Variants in GPC5 observed in about 807,000 individuals in gnomAD.
GPC5 encodes glypican 5.
Under a neutral mutation model 53.9 loss-of-function variants are expected in GPC5, and 47 were observed. That is an observed-to-expected ratio of 0.87 (90% CI 0.69 to 1.11). The LOEUF is 1.11. Among genes scored for constraint, GPC5 ranks in the 50% most tolerant of loss-of-function variants. The pLI, the probability that GPC5 is intolerant of heterozygous loss-of-function variation, is 0.00. For missense variants in GPC5, 748 were observed against 713.1 expected, an observed-to-expected ratio of 1.05 and a Z score of -0.56; for synonymous variants, 286 against 263.3, an observed-to-expected ratio of 1.09 and a Z score of -0.84.
chr13:92,368,318 G>T (rs1373017859), intron 7 of GPC5, among the ~76,000 whole-genome samples: 1 of 151,274 alleles, frequency 6.6e-6, no homozygotes, highest in Non-Finnish European at 1.5e-5. Context: ...TAAACTGGAG[G>T]CTATACTCCT....
intron 7 of GPC5, among the ~76,000 whole-genome samples, chr13:92,408,708 T>C (rs753999430): frequency 3.3e-5 from 5 of 152,072 alleles, no homozygotes; most frequent in Non-Finnish European, 7.4e-5. Flanking sequence ...TTTTTCTATA[T>C]GTTCAGTGTG....
At chr13:91,478,300 T>C (rs1252237062) in intron 2 of GPC5, among the ~76,000 whole-genome samples, 1 of 152,168 alleles carries the variant, frequency 6.6e-6, no homozygotes, top group African/African-American at 2.4e-5. Context: ...CATTCATAAA[T>C]TTATTTCATA....
At chr13:92,656,074 AAG>A (rs1226804795) in intron 7 of GPC5, among the ~76,000 whole-genome samples, 2 of 152,212 alleles carry the variant, frequency 1.3e-5, no homozygotes, top group South Asian at 2.1e-4. Context: ...CAGAAAAAAA[AAG>A]AGTTATATCA....
In GPC5 at chr13:92,527,249, GAGAAAGAAA is replaced by G. The variant is rs1881387277; in HGVS notation, c.1562-339032_1562-339024del. Among the ~76,000 whole-genome samples the G allele has an allele frequency of 1.2e-4, 4 of 32,718 alleles. No individual in the cohort carries two copies. In the South Asian group the frequency reaches 5.2e-3, roughly 42 times the overall value. The allele number at this position is 32,718 out of a possible 152,430, so 21.5% of individuals were successfully genotyped here. A position where few individuals can be genotyped will look rare whatever the true frequency, so the allele number is the denominator to read the frequency against. On this transcript the variant is annotated intron_variant, in intron 7 of 7. Transcript: ENST00000377067. ...AGAAAGAAAGAAAGAAAGAAAGAAAGAGAAAGAAAGAAAGAAAGAAAGAAAGAAAGAAAA... is the reference window on the plus strand; with the variant it reads ...AGAAAGAAAGAAAGAAAGAAAGAAAGGAAAGAAAGAAAGAAAGAAAGAAAA...
chr13:91,885,266 T>C (rs1024555497), intron 5 of GPC5, among the ~76,000 whole-genome samples: 1 of 152,230 alleles, frequency 6.6e-6, no homozygotes, highest in Non-Finnish European at 1.5e-5. Context: ...CTTGATTATA[T>C]TCTTATTCTC....
intron 7 of GPC5, among the ~76,000 whole-genome samples, chr13:92,504,164 C>T (rs181389427): frequency 2.6e-5 from 4 of 151,986 alleles, no homozygotes; most frequent in Admixed American, 6.6e-5. Flanking sequence ...AATAAGATAT[C>T]GTAGCAGGAT....
intron 7 of GPC5, among the ~76,000 whole-genome samples, chr13:92,535,308 T>C (rs1881688485): frequency 6.6e-6 from 1 of 152,028 alleles, no homozygotes; most frequent in South Asian, 2.1e-4. Flanking sequence ...ACACCAAGGG[T>C]TCCGTCTAGG....
chr13:92,445,301 T>C (rs1407026356), intron 7 of GPC5, among the ~76,000 whole-genome samples: 2 of 129,410 alleles, frequency 1.5e-5, no homozygotes, highest in Non-Finnish European at 3.1e-5. Context: ...GTGATTTTTT[T>C]TGTTTTATTT....
At chr13:91,584,986 A>G (rs1300419104) in intron 2 of GPC5, among the ~76,000 whole-genome samples, 1 of 152,232 alleles carries the variant, frequency 6.6e-6, no homozygotes, top group African/African-American at 2.4e-5. Context: ...AAAATATAAG[A>G]CATCCCTATA....
In GPC5 at chr13:92,496,977, T is replaced by G. The variant is rs1481721789; in HGVS notation, c.1561+351988T>G. Reference sequence around the variant, plus strand: ...AGGAGTGAAAGAGCATTAAAAAGTTTAAGTTCCCTGTAGATTCTGGATATT... The same window carrying G: ...AGGAGTGAAAGAGCATTAAAAAGTTGAAGTTCCCTGTAGATTCTGGATATT... On this transcript the variant is annotated intron_variant, in intron 7 of 7. Transcript: ENST00000377067. Among the ~76,000 whole-genome samples, 6 of 152,286 alleles carry G rather than the reference T, an allele frequency of 3.9e-5. No homozygotes were observed. In the East Asian group the frequency reaches 9.7e-4, roughly 25 times the overall value.
intron 5 of GPC5, among the ~76,000 whole-genome samples, chr13:91,847,773 G>A (rs1417605266): frequency 6.6e-6 from 1 of 152,108 alleles, no homozygotes; most frequent in Non-Finnish European, 1.5e-5. Context: ...CTGGTTACTT[G>A]ATCTCTGAGA....
At chr13:92,155,708 T>C (rs1435749400) in intron 7 of GPC5, among the ~76,000 whole-genome samples, 6 of 152,184 alleles carry the variant, frequency 3.9e-5, no homozygotes, top group Non-Finnish European at 8.8e-5. Context: ...TTTTTGCTTT[T>C]GCATTTCTGC....
chr13:91,830,726 A>ATG (rs981390390), intron 5 of GPC5, among the ~76,000 whole-genome samples: 1 of 145,696 alleles, frequency 6.9e-6, no homozygotes, highest in African/African-American at 2.5e-5. Flanking sequence ...ATATATATAT[A>ATG]TGTGTATATA....
intron 7 of GPC5, among the ~76,000 whole-genome samples, chr13:92,603,042 A>C (rs183776533): frequency 6.6e-6 from 1 of 152,338 alleles, no homozygotes; most frequent in East Asian, 1.9e-4. Context: ...GAGCCTATGT[A>C]CATAGTGTCT....
At chr13:92,492,316 A>T (rs1229832437) in intron 7 of GPC5, among the ~76,000 whole-genome samples, 1 of 151,850 alleles carries the variant, frequency 6.6e-6, no homozygotes, top group African/African-American at 2.4e-5. Flanking sequence ...GGACACAGGA[A>T]GGGGAACATC....
intron 6 of GPC5, among the ~76,000 whole-genome samples, chr13:91,970,430 GC>G (rs200932010): frequency 4.7e-5 from 7 of 150,534 alleles, no homozygotes; most frequent in Non-Finnish European, 7.4e-5. Context: ...GGAGTAGATT[GC>G]CCCCCCCTCA....
chr13:92,232,591 A>G (rs918959628), intron 7 of GPC5, among the ~76,000 whole-genome samples: 4 of 152,308 alleles, frequency 2.6e-5, no homozygotes, highest in African/African-American at 9.6e-5. Context: ...ATTGTTTTAA[A>G]TTCTATGATA....
chr13:92,658,924 G>GTTTTTTTTTTTTTTTTT lies in GPC5; in HGVS notation c.1562-207352_1562-207336dup, dbSNP rs71123426. On this transcript the variant is annotated intron_variant, in intron 7 of 7. Transcript: ENST00000377067. ...GACAAAGAAAAGTTGTATATGTTTT[G>GTTTTTTTTTTTTTTTTT]TTTTTTTTTTTTTTTTTTTTTTGAG... The GTTTTTTTTTTTTTTTTT allele has an allele frequency of 2.3e-5, 2 of 85,594 alleles. 1 individual carries two copies. Among genetic ancestry groups the GTTTTTTTTTTTTTTTTT allele is most frequent in the African/African-American group, 8.3e-5 (2 of 24,236 alleles). 5.3% of individuals were successfully genotyped at this position (85,594 alleles called of 1,614,324 possible).
rs955164007 is a variant in GPC5, at chr13:91,823,664, T to A, written c.1280+67244T>A. Among the ~76,000 whole-genome samples, 4 of 152,128 alleles carry A rather than the reference T, an allele frequency of 2.6e-5. No individual in the cohort carries two copies. In the East Asian group the frequency reaches 7.7e-4, roughly 29 times the overall value. ...ATCTTTATTCTTAGTCTTTTATTAATCTCTTAAAAATTATGACCCAAACTA... is the reference window on the plus strand; with the variant it reads ...ATCTTTATTCTTAGTCTTTTATTAAACTCTTAAAAATTATGACCCAAACTA... On this transcript the variant is annotated intron_variant, in intron 5 of 7. Transcript: ENST00000377067.
Sources: gnomAD v4.1 joint callset for allele counts (sites outside exome capture counted in the v4.1 genomes callset) on GRCh38, gnomAD v4.1.1 for gene constraint, MANE v1.5 for transcripts, NCBI Gene and HGNC (gene_info 2026-07-23, HGNC 2026-07-21) for gene names.